CEP68: variants seen among roughly 807,000 people sequenced by gnomAD.
CEP68 encodes the protein centrosomal protein of 68 kDa.
Under a neutral mutation model 55.3 loss-of-function variants are expected in CEP68, and 26 were observed. The ratio of observed to expected loss-of-function variants is 0.47; its 90% confidence interval spans 0.34 to 0.65. The LOEUF (loss-of-function observed/expected upper bound fraction) is 0.65. Among genes scored for constraint, CEP68 ranks in the 30% least tolerant of loss-of-function variants. CEP68 has a pLI of 0.01. For synonymous variants in CEP68, 402 were observed against 383.2 expected (o/e 1.05, Z -0.57); for missense variants, 957 against 946.7 (o/e 1.01, Z -0.14).
chr2:65,065,183 GC>G (rs1376737700), intron 1 of CEP68, among the ~76,000 whole-genome samples: 1 of 152,216 alleles, frequency 6.6e-6, no homozygotes, highest in Non-Finnish European at 1.5e-5. Context: ...ATACCACTCA[GC>G]AGAGGGCCAC....
chr2:65,080,700 C>T (rs1238441228), intron 5 of CEP68: 4 of 241,122 alleles, frequency 1.7e-5, no homozygotes, highest in African/African-American at 2.3e-5. Context: ...CGCCTGTAAT[C>T]CCAGCTACTC....
chr2:65,082,290 G>A (rs763364698), intron 5 of CEP68, among the ~76,000 whole-genome samples: 7 of 152,164 alleles, frequency 4.6e-5, no homozygotes, highest in Non-Finnish European at 7.3e-5. Flanking sequence ...TGTGAATTAC[G>A]TAATTTCAAA....
At position 65,072,938 on chromosome 2, in the gene CEP68, A is replaced by G; in HGVS notation, c.1842A>G (p.Lys614=). 1 of 1,603,140 alleles carries G rather than the reference A, an allele frequency of 6.2e-7. No individual in the cohort carries two copies. Residue 614 remains lysine, a synonymous_variant, in exon 3 of 7, where the codon AAA becomes AAG. Coordinates refer to ENST00000377990, the MANE Select transcript of CEP68 (RefSeq NM_015147.3). ...DPDVEGQLPR[K]GGEQGKESLV... is the part of the protein sequence containing the mutation. ...ATGTTGAAGGGCAGCTTCCCAGGAA[A>G]GGAGGAGAACAGGGAAAAGAATCAC...
Position 65,071,683 on chromosome 2 carries a change from G to C in CEP68, c.587G>C (p.Cys196Ser), listed in dbSNP as rs1303818758. The C allele has an allele frequency of 1.9e-6, 3 of 1,614,054 alleles. No individual in the cohort carries two copies. Among genetic ancestry groups the C allele is most frequent in the African/African-American group, 2.7e-5 (2 of 74,934 alleles). The change falls in exon 3 of 7, where the codon TGC (cysteine) becomes TCC (serine). Residue 196 changes from cysteine (C) to serine (S), a missense_variant. Cys to Ser is a moderately radical substitution (Grantham distance 112, BLOSUM62 -1). Transcript: ENST00000377990. ...SPGSAAQPSS[C>S]SISASSTGSS... ...GGTTCCGCAGCTCAGCCTTCCAGCT[G>C]CAGCATCTCTGCTTCCTCCACAGGC... is the stretch of plus-strand genomic sequence containing the variant.
intron 2 of CEP68, 49 bp downstream of exon 2, chr2:65,069,850 A>C (rs1202411587): frequency 1.3e-6 from 2 of 1,498,526 alleles, no homozygotes; most frequent in South Asian, 1.2e-5. Flanking sequence ...GTCCTTTGGG[A>C]GTTTGTTCAG....
intron 5 of CEP68, among the ~76,000 whole-genome samples, chr2:65,078,394 G>A (rs1276790569): frequency 1.3e-5 from 2 of 152,096 alleles, no homozygotes; most frequent in Non-Finnish European, 2.9e-5. Context: ...GTCCTGCTTT[G>A]GGGAAATAGT....
intron 1 of CEP68, among the ~76,000 whole-genome samples, chr2:65,062,012 C>T (rs770077949): frequency 2.0e-5 from 3 of 152,236 alleles, no homozygotes; most frequent in Non-Finnish European, 2.9e-5. Flanking sequence ...TGGGCAGGTT[C>T]TGCCACTGTG....
At position 65,085,705 on chromosome 2, in the gene CEP68, G is replaced by T. The variant is rs181735468; in HGVS notation, c.*2071G>T. On this transcript the variant is annotated 3_prime_UTR_variant, in exon 7 of 7. Coordinates refer to ENST00000377990, the MANE Select transcript of CEP68 (RefSeq NM_015147.3). ...GGGCGCCTGTAGTCCCAGCTACTTG[G>T]GAGGCTGAGGCATGAGAATGGCATG... 1.8e-4 allele frequency: 27 copies of T among 152,560 alleles called. No homozygotes were observed. In the East Asian group the frequency reaches 3.7e-3, roughly 21 times the overall value. The allele number at this position is 152,560 out of a possible 1,614,324, so 9.5% of individuals were successfully genotyped here.
At chr2:65,082,426 C>A in intron 5 of CEP68, 110 bp from the exon 6 acceptor site, 1 of 917,468 alleles carries the variant, frequency 1.1e-6, no homozygotes, top group South Asian at 3.5e-5. Context: ...ACTGCCAGGT[C>A]CTACTTTGTG....
At chr2:65,075,027 C>T (rs1254881446) in intron 4 of CEP68, 6 of 156,696 alleles carry the variant, frequency 3.8e-5, no homozygotes, top group Non-Finnish European at 7.0e-5. Context: ...CTTCCATCAC[C>T]ACATAAAGTC....
chr2:65,077,153 AC>A (rs1458399183), intron 4 of CEP68, among the ~76,000 whole-genome samples: 5 of 151,380 alleles, frequency 3.3e-5, no homozygotes, highest in Non-Finnish European at 4.4e-5. Flanking sequence ...GCACCACCAC[AC>A]CCGGCTAATT....
rs1558563078 is a variant in CEP68, at chr2:65,072,447, G to C, written c.1351G>C (p.Glu451Gln). Reference sequence around the variant, plus strand: ...CAGAGGGTGGCCCTCGCCCAGGCCAGAGAGGGAGAAGAGGACCAGCCAGAG... The same window carrying C: ...CAGAGGGTGGCCCTCGCCCAGGCCACAGAGGGAGAAGAGGACCAGCCAGAG... Reference protein sequence around the residue: ...RDRGWPSPRPEREKRTSQSAR... With the variant: ...RDRGWPSPRPQREKRTSQSAR... The change falls in exon 3 of 7, where the codon GAG becomes CAG. Residue 451 changes from glutamate (E) to glutamine (Q), a missense_variant. Glu to Gln is a conservative substitution (Grantham distance 29). Transcript: ENST00000377990. 1.2e-6 allele frequency: 2 copies of C among 1,614,104 alleles called. No homozygotes were observed. Among genetic ancestry groups the C allele is most frequent in the Non-Finnish European group, 1.7e-6 (2 of 1,180,014 alleles).
chr2:65,079,482 G>A (rs1341605795), intron 5 of CEP68, among the ~76,000 whole-genome samples: 1 of 152,234 alleles, frequency 6.6e-6, no homozygotes, highest in East Asian at 1.9e-4. Context: ...CAGCAGGTAA[G>A]TGATTCTCTA....
In CEP68 at chr2:65,072,180, G is replaced by A; in HGVS notation, c.1084G>A (p.Ala362Thr). The A allele has an allele frequency of 6.2e-7, 1 of 1,614,044 alleles. No individual in the cohort carries two copies. The highest frequency in any genetic ancestry group is 1.1e-5 in the South Asian group (1 of 91,076). Residue 362 changes from alanine (A) to threonine (T), a missense_variant, in exon 3 of 7, where the codon GCC (alanine) becomes ACC (threonine). Ala to Thr is a moderately conservative substitution (Grantham distance 58, BLOSUM62 0). Coordinates refer to ENST00000377990, the MANE Select transcript of CEP68 (RefSeq NM_015147.3). ...CTCCCCCAACTGCCCACCAGCAGAGGCCACTGCCCTGCCATTTTCTGGGCC... is the reference window on the plus strand; with the variant it reads ...CTCCCCCAACTGCCCACCAGCAGAGACCACTGCCCTGCCATTTTCTGGGCC... The part of the protein sequence containing the change: ...NVSPNCPPAE[A>T]TALPFSGPRE...
intron 4 of CEP68, among the ~76,000 whole-genome samples, chr2:65,077,566 A>G (rs1451315719): frequency 6.6e-6 from 1 of 152,178 alleles, no homozygotes; most frequent in Non-Finnish European, 1.5e-5. Flanking sequence ...AGAGAACCCC[A>G]TGAGGTGAGG....
At chr2:65,060,328 C>T (rs1675852162) in intron 1 of CEP68, among the ~76,000 whole-genome samples, 1 of 152,188 alleles carries the variant, frequency 6.6e-6, no homozygotes, top group African/African-American at 2.4e-5. Flanking sequence ...TCTCCCATGG[C>T]TTCTCCAAAG....
chr2:65,074,767 C>CA (rs1182982532), intron 4 of CEP68: 4 of 238,608 alleles, frequency 1.7e-5, no homozygotes, highest in Non-Finnish European at 3.3e-5. Context: ...TAGCAAGACC[C>CA]CCCCCCCTCA....
At chr2:65,058,060 T>C (rs1034404210) in intron 1 of CEP68, among the ~76,000 whole-genome samples, 1 of 152,220 alleles carries the variant, frequency 6.6e-6, no homozygotes, top group Non-Finnish European at 1.5e-5. Context: ...GTGCCTAATA[T>C]AGTTCCTGGC....
intron 2 of CEP68, 57 bp from the exon 3 acceptor site, chr2:65,071,397 G>T: frequency 6.9e-7 from 1 of 1,448,098 alleles, no homozygotes; most frequent in South Asian, 1.2e-5. Flanking sequence ...TGTCATCTAA[G>T]AAAGAAATTG....
Sources: allele counts gnomAD v4.1 joint callset (sites outside exome capture counted in the v4.1 genomes callset), GRCh38; gene constraint gnomAD v4.1.1; transcripts MANE v1.5; gene names NCBI Gene and HGNC (gene_info 2026-07-23, HGNC 2026-07-21).